Variants in DGKB observed in about 807,000 individuals in gnomAD.
DGKB encodes diacylglycerol kinase beta, also known as 90 kDa diacylglycerol kinase.
In DGKB, 67 loss-of-function variants were observed where a neutral mutation model predicts 114.3. That is an observed-to-expected ratio of 0.59 (90% CI 0.48 to 0.72). The LOEUF (loss-of-function observed/expected upper bound fraction) is 0.72. Ranked by LOEUF, DGKB falls within the 30% of genes least tolerant of loss-of-function variation. DGKB has a pLI of 0.00. For missense variants in DGKB, 907 were observed against 975.2 expected (o/e 0.93, Z 0.93); for synonymous variants, 398 against 323.1 (o/e 1.23, Z -2.49).
intron 23 of DGKB, among the ~76,000 whole-genome samples, chr7:14,274,923 G>A (rs1378073097): frequency 1.3e-5 from 2 of 150,004 alleles, no homozygotes; most frequent in Non-Finnish European, 3.0e-5. Context: ...TTTTTGGGGG[G>A]TGCACTTCAG....
At chr7:14,287,616 G>A (rs2128466300) in intron 23 of DGKB, among the ~76,000 whole-genome samples, 1 of 152,260 alleles carries the variant, frequency 6.6e-6, no homozygotes, top group East Asian at 1.9e-4. Flanking sequence ...TGTGGTTAAT[G>A]TGATATTAGA....
chr7:14,870,561 G>T (rs961691094), intron 1 of DGKB, among the ~76,000 whole-genome samples: 4 of 152,110 alleles, frequency 2.6e-5, no homozygotes, highest in Non-Finnish European at 4.4e-5. Flanking sequence ...ACTTTAGGAG[G>T]CCGAGGAGGG....
intron 23 of DGKB, among the ~76,000 whole-genome samples, chr7:14,243,453 AG>A (rs1438798884): frequency 6.6e-6 from 1 of 152,254 alleles, no homozygotes; most frequent in Non-Finnish European, 1.5e-5. Flanking sequence ...CTAACATATT[AG>A]ATTTTGATAA....
At chr7:14,705,109 C>T (rs1825957869) in intron 6 of DGKB, among the ~76,000 whole-genome samples, 1 of 150,284 alleles carries the variant, frequency 6.7e-6, no homozygotes, top group South Asian at 2.1e-4. Context: ...ATAACCAATA[C>T]AGAGAAGTGC....
At chr7:14,509,415 C>T (rs1169684469) in intron 20 of DGKB, among the ~76,000 whole-genome samples, 1 of 152,102 alleles carries the variant, frequency 6.6e-6, no homozygotes, top group Non-Finnish European at 1.5e-5. Flanking sequence ...GGAGATAACA[C>T]TCCCTTGAAG....
intron 21 of DGKB, among the ~76,000 whole-genome samples, chr7:14,436,709 T>C (rs535737165): frequency 9.2e-5 from 14 of 152,268 alleles, no homozygotes; most frequent in Admixed American, 7.9e-4. Context: ...GATTTTCCAG[T>C]GGTTCATTTG....
intron 23 of DGKB, among the ~76,000 whole-genome samples, chr7:14,328,704 C>T (rs2128553221): frequency 6.6e-6 from 1 of 152,064 alleles, no homozygotes; most frequent in South Asian, 2.1e-4. Context: ...ATTAAAATAA[C>T]AGTGCAGCAT....
chr7:14,555,741 C>G (rs896075692), intron 20 of DGKB, among the ~76,000 whole-genome samples: 2 of 152,240 alleles, frequency 1.3e-5, no homozygotes, highest in African/African-American at 4.8e-5. Context: ...AGTAAAGAAG[C>G]CGGCCAAAAC....
At chr7:14,922,645 G>A (rs141771110) in intron 1 of DGKB, among the ~76,000 whole-genome samples, 49 of 152,174 alleles carry the variant, frequency 3.2e-4, no homozygotes, top group Non-Finnish European at 4.4e-4. Flanking sequence ...AACATCCTAA[G>A]TTGTTAGCTA....
chr7:14,361,526 G>A (rs1293332502), intron 21 of DGKB, among the ~76,000 whole-genome samples: 3 of 151,882 alleles, frequency 2.0e-5, no homozygotes, highest in East Asian at 3.9e-4. Flanking sequence ...CAGTCATGAT[G>A]CTATAATTTA....
At position 14,692,567 on chromosome 7, in the gene DGKB, T is replaced by C. The variant is rs148963341; in HGVS notation, c.711+1508A>G. Among the ~76,000 whole-genome samples the C allele has an allele frequency of 1.7e-3, 254 of 152,010 alleles. 1 individual carries two copies. Among genetic ancestry groups the C allele is most frequent in the African/African-American group, 5.5e-3 (230 of 41,500 alleles). ...AACAATTAAATAAATATTGATAATA[T>C]AGAGCTAAATATGGTATTATAAAAA... On this transcript the variant is annotated intron_variant, in intron 9 of 25. Coordinates refer to ENST00000402815, the MANE Select transcript of DGKB (RefSeq NM_001350709.2).
intron 21 of DGKB, among the ~76,000 whole-genome samples, chr7:14,396,760 A>T (rs10215028): frequency 6.6e-6 from 1 of 152,042 alleles, no homozygotes; most frequent in African/African-American, 2.4e-5. Context: ...ATCCACACCA[A>T]GCTCTCTTTT....
At chr7:14,163,574 C>A (rs1344103871) in intron 25 of DGKB, among the ~76,000 whole-genome samples, 1 of 152,168 alleles carries the variant, frequency 6.6e-6, no homozygotes, top group African/African-American at 2.4e-5. Context: ...CTTTTGGAGT[C>A]TCACTACCAC....
chr7:14,681,499 C>T (rs1160182586), intron 12 of DGKB, among the ~76,000 whole-genome samples: 1 of 151,458 alleles, frequency 6.6e-6, no homozygotes, highest in Non-Finnish European at 1.5e-5. Flanking sequence ...ATTGTTTAAG[C>T]CCTGGGTTGA....
At chr7:14,644,053 T>A (rs1215694552) in intron 13 of DGKB, among the ~76,000 whole-genome samples, 1 of 151,092 alleles carries the variant, frequency 6.6e-6, no homozygotes, top group Non-Finnish European at 1.5e-5. Flanking sequence ...TGACAGAGCC[T>A]CCACAAACAA....
At chr7:14,169,281 C>T (rs868826572) in intron 25 of DGKB, among the ~76,000 whole-genome samples, 26 of 148,534 alleles carry the variant, frequency 1.8e-4, no homozygotes, top group East Asian at 4.0e-4. Flanking sequence ...AGGAGAATGG[C>T]GTGAACCCGG....
intron 5 of DGKB, among the ~76,000 whole-genome samples, chr7:14,722,944 AC>A (rs1829430124): frequency 6.6e-6 from 1 of 151,822 alleles, no homozygotes; most frequent in African/African-American, 2.4e-5. Flanking sequence ...CTGAAAGCAG[AC>A]CCTGGTCCTC....
chr7:14,531,016 T>C (rs573034597), intron 20 of DGKB, among the ~76,000 whole-genome samples: 15 of 151,648 alleles, frequency 9.9e-5, no homozygotes, highest in African/African-American at 2.9e-4. Context: ...TCTCCAAATA[T>C]TGTCACAGAC....
chr7:14,912,232 G>A (rs1587366578), intron 1 of DGKB, among the ~76,000 whole-genome samples: 1 of 152,112 alleles, frequency 6.6e-6, no homozygotes, highest in Admixed American at 6.6e-5. Context: ...ATCCTCATAT[G>A]TTTCATATCT....
Sources: gnomAD v4.1 joint callset for allele counts (sites outside exome capture counted in the v4.1 genomes callset) on GRCh38, gnomAD v4.1.1 for gene constraint, MANE v1.5 for transcripts, NCBI Gene and HGNC (gene_info 2026-07-23, HGNC 2026-07-21) for gene names.